The following PTPRD variants were observed in gnomAD, a reference collection of about 807,000 sequenced individuals.
The protein encoded by PTPRD is protein tyrosine phosphatase receptor type D.
Under a neutral mutation model 214.5 loss-of-function variants are expected in PTPRD, and 34 were observed. That is an observed-to-expected ratio of 0.16 (90% confidence interval 0.12 to 0.21). PTPRD has a LOEUF of 0.21. Among genes scored for constraint, PTPRD ranks in the 10% least tolerant of loss-of-function variants. PTPRD has a pLI of 1.00. For missense variants in PTPRD, 2,545 were observed against 2,398.7 expected (o/e 1.06, Z -1.27); for synonymous variants, 1,128 against 845.7 (o/e 1.33, Z -5.79).
chr9:8,902,710 C>T (rs905491376), intron 11 of PTPRD, among the ~76,000 whole-genome samples: 5 of 151,974 alleles, frequency 3.3e-5, no homozygotes, highest in African/African-American at 1.2e-4. Context: ...AGAAACAGCA[C>T]CATAGATCAT....
intron 9 of PTPRD, among the ~76,000 whole-genome samples, chr9:9,301,222 A>T (rs1365357173): frequency 1.3e-5 from 2 of 151,922 alleles, no homozygotes; most frequent in Non-Finnish European, 2.9e-5. Flanking sequence ...ACTAAATAAG[A>T]TATAATTTTT....
chr9:8,324,708 C>T (rs1831860860), intron 44 of PTPRD, among the ~76,000 whole-genome samples: 1 of 152,122 alleles, frequency 6.6e-6, no homozygotes, highest in South Asian at 2.1e-4. Flanking sequence ...CTAATTTACA[C>T]ACCCACCAAC....
chr9:10,502,832 T>C (rs1589576510), intron 2 of PTPRD, among the ~76,000 whole-genome samples: 1 of 152,190 alleles, frequency 6.6e-6, no homozygotes, highest in East Asian at 1.9e-4. Flanking sequence ...AGTAATAGAA[T>C]CACTGAATCT....
chr9:10,286,452 C>T (rs1424294425), intron 3 of PTPRD, among the ~76,000 whole-genome samples: 1 of 151,726 alleles, frequency 6.6e-6, no homozygotes, highest in East Asian at 1.9e-4. Context: ...AAAATAAATA[C>T]ATTTAAAAAA....
intron 10 of PTPRD, among the ~76,000 whole-genome samples, chr9:9,030,661 T>C (rs1211846206): frequency 1.3e-5 from 2 of 151,936 alleles, no homozygotes; most frequent in Non-Finnish European, 2.9e-5. Context: ...CCATATGTCA[T>C]CATTGTTTTT....
chr9:9,203,646 T>C (rs1315342911), intron 9 of PTPRD, among the ~76,000 whole-genome samples: 1 of 152,156 alleles, frequency 6.6e-6, no homozygotes, highest in Non-Finnish European at 1.5e-5. Flanking sequence ...CCTTGATCCA[T>C]TCTCTCCATC....
intron 11 of PTPRD, among the ~76,000 whole-genome samples, chr9:8,846,954 C>T (rs368763853): frequency 3.9e-5 from 6 of 152,192 alleles, no homozygotes; most frequent in East Asian, 1.9e-4. Context: ...GAAGCAACTA[C>T]GGTGAGGTCA....
rs1258231541 is a variant in PTPRD at position 9,282,228 on chromosome 9, T to C, written c.-202-98865A>G. On this transcript the variant is annotated intron_variant, in intron 9 of 45. Coordinates refer to ENST00000381196, the MANE Select transcript of PTPRD (RefSeq NM_002839.4). ...ACCCATAGAATGCAGACATCCAAAG[T>C]TGGGTAATAATGTTTCAATGTAGGC... is the stretch of plus-strand genomic sequence containing the variant. Among the ~76,000 whole-genome samples, 3 of 151,074 alleles carry C rather than the reference T, an allele frequency of 2.0e-5. 1 individual carries two copies. Among genetic ancestry groups the C allele is most frequent in the African/African-American group, 7.3e-5 (3 of 41,262 alleles).
At chr9:9,072,879 G>A (rs964236888) in intron 10 of PTPRD, among the ~76,000 whole-genome samples, 2 of 152,150 alleles carry the variant, frequency 1.3e-5, no homozygotes, top group African/African-American at 4.8e-5. Flanking sequence ...AAAACTGAAT[G>A]AGCATTTCAT....
At chr9:8,712,998 C>T (rs1442639479) in intron 12 of PTPRD, among the ~76,000 whole-genome samples, 3 of 152,168 alleles carry the variant, frequency 2.0e-5, no homozygotes, top group African/African-American at 4.8e-5. Flanking sequence ...GGATTATAGG[C>T]GTGAGCCACC....
At chr9:8,519,904 T>C (rs2097856154) in intron 20 of PTPRD, among the ~76,000 whole-genome samples, 1 of 152,166 alleles carries the variant, frequency 6.6e-6, no homozygotes, top group Admixed American at 6.6e-5. Flanking sequence ...TCAGCAAGCC[T>C]TCAAATATTT....
chr9:10,398,332 G>A (rs2098211045), intron 2 of PTPRD, among the ~76,000 whole-genome samples: 1 of 151,802 alleles, frequency 6.6e-6, no homozygotes, highest in Non-Finnish European at 1.5e-5. Flanking sequence ...AGTGTACTAT[G>A]ATTGTGCCAC....
intron 36 of PTPRD, among the ~76,000 whole-genome samples, chr9:8,394,993 T>G (rs963793668): frequency 1.3e-5 from 2 of 152,052 alleles, no homozygotes; most frequent in African/African-American, 4.8e-5. Context: ...CCACCGTGGC[T>G]CCAGTGGATG....
At chr9:9,261,692 T>C (rs1380958909) in intron 9 of PTPRD, among the ~76,000 whole-genome samples, 1 of 145,698 alleles carries the variant, frequency 6.9e-6, no homozygotes, top group East Asian at 2.0e-4. Context: ...GGGAGAGGGG[T>C]TGTGAATCAA....
At chr9:9,077,722 A>T (rs1380046904) in intron 10 of PTPRD, among the ~76,000 whole-genome samples, 2 of 152,022 alleles carry the variant, frequency 1.3e-5, no homozygotes, top group Admixed American at 6.6e-5. Context: ...GTCACATATG[A>T]TGGTCCACAG....
chr9:9,935,662 T>G (rs947208734), intron 5 of PTPRD, among the ~76,000 whole-genome samples: 3 of 147,738 alleles, frequency 2.0e-5, no homozygotes, highest in Non-Finnish European at 4.4e-5. Context: ...CAAGGTAATT[T>G]ACAGATTCAA....
intron 3 of PTPRD, among the ~76,000 whole-genome samples, chr9:10,297,580 GTTTT>G (rs5896384): frequency 1.4e-5 from 2 of 144,436 alleles, no homozygotes; most frequent in East Asian, 2.1e-4. Flanking sequence ...AATGAGTTGT[GTTTT>G]TTTTTTTTTC....
At chr9:9,756,458 C>G (rs1351108761) in intron 6 of PTPRD, among the ~76,000 whole-genome samples, 2 of 152,042 alleles carry the variant, frequency 1.3e-5, no homozygotes, top group Non-Finnish European at 2.9e-5. Flanking sequence ...CTTACAACCA[C>G]CATATAAGGT....
intron 11 of PTPRD, among the ~76,000 whole-genome samples, chr9:8,917,311 T>C (rs7047496): frequency 0.05 from 7,004 of 138,950 alleles, 526 homozygotes; most frequent in African/African-American, 0.17. Context: ...TTTTTTTTTG[T>C]ATTTTTAGTT....
Sources: gnomAD v4.1 joint callset for allele counts (sites outside exome capture counted in the v4.1 genomes callset) on GRCh38, gnomAD v4.1.1 for gene constraint, MANE v1.5 for transcripts, NCBI Gene and HGNC (gene_info 2026-07-23, HGNC 2026-07-21) for gene names.